The following CTSL variants were observed in gnomAD, a reference collection of about 807,000 sequenced individuals.
The protein encoded by CTSL is procathepsin L.
In CTSL, 23 loss-of-function variants were observed where a neutral mutation model predicts 34.7. The ratio of observed to expected loss-of-function variants is 0.66; its 90% confidence interval spans 0.48 to 0.94. The LOEUF (loss-of-function observed/expected upper bound fraction) is 0.94, where lower values mean the gene tolerates loss of function less well. CTSL is among the 40% of genes least tolerant of loss of function. The pLI is 0.00. For synonymous variants in CTSL, 129 were observed against 136.7 expected (o/e 0.94, Z 0.39); for missense variants, 361 against 406.3 (o/e 0.89, Z 0.96).
At chr9:87,728,419 C>A (rs914752764) in intron 4 of CTSL, 23 bp downstream of exon 4, 3 of 1,604,824 alleles carry the variant, frequency 1.9e-6, no homozygotes, top group Non-Finnish European at 2.5e-6. Flanking sequence ...CAGGTTCAGA[C>A]CTCCCATCTT....
chr9:87,730,863 T>C (rs1427281866), intron 7 of CTSL, 145 bp from the exon 8 acceptor site: 1 of 634,296 alleles, frequency 1.6e-6, no homozygotes, highest in African/African-American at 1.8e-5. Context: ...TCAAGAATTT[T>C]TTAAGGATAA....
At chr9:87,730,614 C>G in intron 7 of CTSL, 116 bp downstream of exon 7, 1 of 663,386 alleles carries the variant, frequency 1.5e-6, no homozygotes, top group Non-Finnish European at 2.5e-6. Context: ...CCCCAGAAGT[C>G]TAAGTTGAAC....
chr9:87,726,608 C>G (rs1365361181), intron 1 of CTSL, among the ~76,000 whole-genome samples: 1 of 152,228 alleles, frequency 6.6e-6, no homozygotes, highest in Non-Finnish European at 1.5e-5. Context: ...TGGCTTCCCG[C>G]GTGCGGCCAT....
At chr9:87,728,198 T>G in intron 3 of CTSL, 49 bp downstream of exon 3, 1 of 1,614,182 alleles carries the variant, frequency 6.2e-7, no homozygotes, top group Non-Finnish European at 8.5e-7. Context: ...TCTTCGGTTC[T>G]TTACTAAGGT....
intron 7 of CTSL, 34 bp downstream of exon 7, chr9:87,730,532 T>G (rs535070913): frequency 2.1e-6 from 3 of 1,433,658 alleles, no homozygotes; most frequent in South Asian, 1.2e-5. Context: ...CATTTGAAAT[T>G]CAAAAGAGAA....
At chr9:87,730,766 A>G (rs1216595697) in intron 7 of CTSL, among the ~76,000 whole-genome samples, 2 of 152,240 alleles carry the variant, frequency 1.3e-5, no homozygotes, top group Non-Finnish European at 1.5e-5. Flanking sequence ...GGCTGCAAAG[A>G]CATCCTATTG....
rs1326557279 is a variant in CTSL at position 87,731,326 on chromosome 9, T to C, written c.*219T>C. ...TATATTATTGATTCACTTACTGACT[T>C]TGCATTTTCGTTTTTAAAAGGATGT... On this transcript the variant is annotated 3_prime_UTR_variant, in exon 8 of 8. Transcript: ENST00000343150. 1 of 376,792 alleles carries C rather than the reference T, an allele frequency of 2.7e-6. No homozygotes were observed. 23.3% of individuals were successfully genotyped at this position (376,792 alleles called of 1,614,324 possible).
At chr9:87,730,521 AC>A (rs1293264277) in intron 7 of CTSL, 23 bp downstream of exon 7, 1 of 1,496,608 alleles carries the variant, frequency 6.7e-7, no homozygotes, top group African/African-American at 1.4e-5. Context: ...AGAAATACTT[AC>A]ATTTGAAATT....
chr9:87,726,486 T>A (rs947919454), intron 1 of CTSL, 88 bp downstream of exon 1: 1 of 152,330 alleles, frequency 6.6e-6, no homozygotes, highest in Non-Finnish European at 1.5e-5. Flanking sequence ...ACAGCGGTAC[T>A]CCTGCTGGCG....
rs765351442 is a variant in CTSL at position 87,730,493 on chromosome 9, G to A, written c.897G>A (p.Lys299=). 6.2e-7 allele frequency: 1 copy of A among 1,600,378 alleles called. No homozygotes were observed. Among genetic ancestry groups the A allele is most frequent in the Non-Finnish European group, 8.5e-7 (1 of 1,171,562 alleles). ...ATAACAATAAATATTGGCTGGTGAA[G>A]AACAGGTATAAATTGCCAGAAATAC... is the stretch of plus-strand genomic sequence containing the variant. The part of the protein sequence containing the change: ...ESDNNKYWLV[K]NSWGEEWGMG... Residue 299 remains lysine (K), a synonymous_variant, in exon 7 of 8, where the codon AAG becomes AAA. Transcript: ENST00000343150.
rs1444955631 is a variant in CTSL, at chr9:87,726,175, C to G, written c.-234C>G. On this transcript the variant is annotated 5_prime_UTR_variant, in exon 1 of 8. Transcript: ENST00000343150. ...TCCGTGGAGTGCGCCTGCGCAGCTA[C>G]GACCGCAGCAGGAAAGCGCCGCCGG... The G allele has an allele frequency of 6.6e-6, 1 of 152,402 alleles. No homozygotes were observed. Among genetic ancestry groups the G allele is most frequent in the Non-Finnish European group, 1.5e-5 (1 of 68,180 alleles). 9.4% of individuals were successfully genotyped at this position (152,402 alleles called of 1,614,324 possible). A position where few individuals can be genotyped will look rare whatever the true frequency, so the allele number is the denominator to read the frequency against.
rs767079404 is a variant in CTSL at position 87,728,702 on chromosome 9, C to G, written c.514C>G (p.Pro172Ala). Residue 172 changes from proline to alanine, a missense_variant, in exon 5 of 8, where the codon CCT becomes GCT. Transcript: ENST00000343150. ...GCAGAATCTGGTAGACTGCTCTGGG[C>G]CTCAAGGCAATGAAGGCTGCAATGG... The part of the protein sequence containing the change: ...SEQNLVDCSG[P>A]QGNEGCNGGL... 1 of 1,614,046 alleles carries G rather than the reference C, an allele frequency of 6.2e-7. No individual in the cohort carries two copies. Among genetic ancestry groups the G allele is most frequent in the Non-Finnish European group, 8.5e-7 (1 of 1,180,022 alleles).
intron 5 of CTSL, among the ~76,000 whole-genome samples, chr9:87,729,229 C>T (rs1826159753): frequency 6.6e-6 from 1 of 151,870 alleles, no homozygotes; most frequent in South Asian, 2.1e-4. Flanking sequence ...TCAGTACTGT[C>T]ATTATAAATT....
rs998828416 is a variant in CTSL at position 87,731,209 on chromosome 9, G to A, written c.*102G>A. 6 of 718,470 alleles carry A rather than the reference G, an allele frequency of 8.4e-6. No individual in the cohort carries two copies. The highest frequency in any genetic ancestry group is 2.7e-5 in the East Asian group (1 of 37,156). The allele number at this position is 718,470 out of a possible 1,614,324, so 44.5% of individuals were successfully genotyped here. A position where few individuals can be genotyped will look rare whatever the true frequency, so the allele number is the denominator to read the frequency against. The stretch of plus-strand genomic sequence containing the variant: ...CCCCCGCTGTGTCGGATACACACTC[G>A]AATCATTGAAGATCCGAGTGTGATT... On this transcript the variant is annotated 3_prime_UTR_variant, in exon 8 of 8. Transcript: ENST00000343150.
intron 7 of CTSL, among the ~76,000 whole-genome samples, 167 bp downstream of exon 7, chr9:87,730,665 A>G (rs146322690): frequency 4.1e-4 from 62 of 152,386 alleles, no homozygotes; most frequent in African/African-American, 1.4e-3. Context: ...AGAAACTGTC[A>G]CAAATATCTT....
At chr9:87,728,541 A>ATT (rs548322120) in intron 4 of CTSL, 44 bp from the exon 5 acceptor site, 25 of 1,310,818 alleles carry the variant, frequency 1.9e-5, no homozygotes, top group Admixed American at 6.3e-5. Context: ...AAGTCTTATT[A>ATT]TTTTTTTTTT....
intron 1 of CTSL, 24 bp from the exon 2 acceptor site, chr9:87,727,570 T>A (rs1826067586): frequency 6.2e-7 from 1 of 1,612,778 alleles, no homozygotes; most frequent in Non-Finnish European, 8.5e-7. Context: ...TCTAATCAGA[T>A]CCTCATTTTT....
At chr9:87,729,501 T>C in intron 5 of CTSL, 72 bp from the exon 6 acceptor site, 1 of 1,343,370 alleles carries the variant, frequency 7.4e-7, no homozygotes, top group South Asian at 1.3e-5. Context: ...CTGAGTGTTG[T>C]GGTTCTAACT....
In CTSL at chr9:87,728,643, TC is replaced by T. The variant is rs1826135350; in HGVS notation, c.457del (p.Arg153GlyfsTer9). ...SATGALEGQM[F>X]RKTGRLISLS... ...ACTGGTGCTCTTGAAGGACAGATGT[TC>T]CGGAAAACTGGGAGGCTTATCTCAC... is the stretch of plus-strand genomic sequence containing the variant. On this transcript the variant is annotated frameshift_variant, in exon 5 of 8. Transcript: ENST00000343150. LOFTEE classifies it high-confidence loss of function. The T allele has an allele frequency of 6.2e-7, 1 of 1,614,020 alleles. No individual in the cohort carries two copies. The highest frequency in any genetic ancestry group is 1.3e-5 in the African/African-American group (1 of 74,906).
Sources: allele counts gnomAD v4.1 joint callset (sites outside exome capture counted in the v4.1 genomes callset), GRCh38; gene constraint gnomAD v4.1.1; transcripts MANE v1.5; gene names NCBI Gene and HGNC (gene_info 2026-07-23, HGNC 2026-07-21).